The following CALN1 variants were observed in gnomAD, a reference collection of about 807,000 sequenced individuals.
CALN1 encodes calcium-binding protein 8.
In CALN1, 17 loss-of-function variants were observed where a neutral mutation model predicts 30.6. That is an observed-to-expected ratio of 0.56 (90% confidence interval 0.38 to 0.83). The LOEUF (loss-of-function observed/expected upper bound fraction) is 0.83. CALN1 is among the 40% of genes least tolerant of loss of function. The pLI is 0.00. For synonymous variants in CALN1, 156 were observed against 131.4 expected, an observed-to-expected ratio of 1.19 and a Z score of -1.28; for missense variants, 291 against 354.9, an observed-to-expected ratio of 0.82 and a Z score of 1.45.
chr7:72,172,346 T>G (rs1789030947), intron 3 of CALN1, among the ~76,000 whole-genome samples: 1 of 152,202 alleles, frequency 6.6e-6, no homozygotes, highest in African/African-American at 2.4e-5. Flanking sequence ...ATTCAGACCA[T>G]TTGTACCTCC....
intron 4 of CALN1, among the ~76,000 whole-genome samples, chr7:72,089,413 C>A (rs1022715091): frequency 1.3e-5 from 2 of 152,042 alleles, no homozygotes; most frequent in African/African-American, 4.8e-5. Flanking sequence ...CCCCACAAAA[C>A]AAAATGACGG....
In CALN1 at chr7:71,787,130, C is replaced by T. The variant is rs1316470467; in HGVS notation, c.*645G>A. The stretch of plus-strand genomic sequence containing the variant: ...GTGCCGACGGAAACTGAGAGCACCC[C>T]AGCTCTACCAATGGCAGTCCTCTAG... On this transcript the variant is annotated 3_prime_UTR_variant, in exon 7 of 7. Transcript: ENST00000395275. 1 of 152,722 alleles carries T rather than the reference C, an allele frequency of 6.5e-6. No individual in the cohort carries two copies. Among genetic ancestry groups the T allele is most frequent in the Admixed American group, 6.5e-5 (1 of 15,282 alleles). The allele number at this position is 152,722 out of a possible 1,614,324, so 9.5% of individuals were successfully genotyped here. A position where few individuals can be genotyped will look rare whatever the true frequency, so the allele number is the denominator to read the frequency against.
chr7:72,100,926 T>C (rs529918305), intron 4 of CALN1, among the ~76,000 whole-genome samples: 2 of 152,046 alleles, frequency 1.3e-5, no homozygotes, highest in South Asian at 4.2e-4. Flanking sequence ...TAATTGCTAA[T>C]TCCATTCACA....
intron 5 of CALN1, among the ~76,000 whole-genome samples, chr7:71,890,743 T>G (rs1014651079): frequency 8.4e-6 from 1 of 118,380 alleles, no homozygotes. Context: ...TTTTGTTTTC[T>G]AGCTTTTTTT....
At chr7:72,249,589 T>C (rs1585264077) in intron 3 of CALN1, among the ~76,000 whole-genome samples, 1 of 151,606 alleles carries the variant, frequency 6.6e-6, no homozygotes, top group East Asian at 1.9e-4. Flanking sequence ...ATCACTTGAG[T>C]TCAGGAGTTT....
At chr7:71,978,040 A>G (rs1415126599) in intron 5 of CALN1, among the ~76,000 whole-genome samples, 1 of 151,732 alleles carries the variant, frequency 6.6e-6, no homozygotes, top group Non-Finnish European at 1.5e-5. Context: ...GCAGCTGCCA[A>G]AGATATGTGT....
the CALN1 span, among the ~76,000 whole-genome samples, chr7:72,471,343 AG>A: frequency 6.6e-6 from 1 of 152,202 alleles, no homozygotes; most frequent in Non-Finnish European, 1.5e-5. Context: ...GGGAGAAGGC[AG>A]GTGAAGGGCC....
intron 5 of CALN1, among the ~76,000 whole-genome samples, chr7:71,910,941 A>G (rs1794395507): frequency 6.6e-6 from 1 of 152,188 alleles, no homozygotes; most frequent in Admixed American, 6.5e-5. Context: ...AACGCCCAAC[A>G]GAAGCAATTT....
At chr7:71,997,300 C>A (rs1185417906) in intron 5 of CALN1, among the ~76,000 whole-genome samples, 1 of 151,154 alleles carries the variant, frequency 6.6e-6, no homozygotes, top group Non-Finnish European at 1.5e-5. Context: ...TGAAAAAAAT[C>A]AAAATGTACT....
upstream of CALN1, among the ~76,000 whole-genome samples, chr7:72,451,804 G>T (rs530812247): frequency 6.6e-6 from 1 of 151,266 alleles, no homozygotes; most frequent in South Asian, 2.1e-4. Context: ...AACCTATCAA[G>T]AAGAAACAAT....
upstream of CALN1, among the ~76,000 whole-genome samples, chr7:72,451,785 C>T (rs1297465405): frequency 2.0e-5 from 3 of 151,902 alleles, no homozygotes; most frequent in South Asian, 4.1e-4. Flanking sequence ...TCATTTATTA[C>T]ACCAAATTAA....
chr7:71,796,763 C>G (rs931495178), intron 6 of CALN1, among the ~76,000 whole-genome samples: 4 of 152,140 alleles, frequency 2.6e-5, no homozygotes, highest in Non-Finnish European at 5.9e-5. Flanking sequence ...TCTTTTTCAG[C>G]ACAGTCCTTG....
At chr7:72,201,513 C>T (rs760582949) in intron 3 of CALN1, among the ~76,000 whole-genome samples, 2 of 151,796 alleles carry the variant, frequency 1.3e-5, no homozygotes, top group African/African-American at 4.8e-5. Flanking sequence ...ATCGCTTGAA[C>T]CTGGTAGGCA....
At chr7:72,162,260 T>G (rs544882118) in intron 3 of CALN1, among the ~76,000 whole-genome samples, 11 of 152,224 alleles carry the variant, frequency 7.2e-5, no homozygotes, top group Middle Eastern at 6.8e-3. Context: ...ATATAACAAT[T>G]GTTGGCAGAA....
At chr7:72,320,774 G>GC (rs1800817897) in intron 2 of CALN1, among the ~76,000 whole-genome samples, 3 of 145,550 alleles carry the variant, frequency 2.1e-5, no homozygotes. Context: ...GGCGGAGGTT[G>GC]CAGTGAGCCG....
intron 2 of CALN1, among the ~76,000 whole-genome samples, chr7:72,314,170 G>A (rs945098090): frequency 3.3e-5 from 5 of 152,104 alleles, no homozygotes; most frequent in Admixed American, 6.6e-5. Context: ...CAGAATCAAG[G>A]GGCCCTCTGC....
At chr7:71,886,973 G>C (rs1243173842) in intron 5 of CALN1, among the ~76,000 whole-genome samples, 1 of 152,064 alleles carries the variant, frequency 6.6e-6, no homozygotes, top group Non-Finnish European at 1.5e-5. Context: ...TTAGGGGAGA[G>C]AGTGCCTACC....
intron 2 of CALN1, among the ~76,000 whole-genome samples, chr7:72,283,198 A>G (rs1162742228): frequency 2.0e-5 from 3 of 152,044 alleles, no homozygotes; most frequent in Non-Finnish European, 4.4e-5. Context: ...GTTTTAATAT[A>G]TACTGAAGAG....
intron 2 of CALN1, among the ~76,000 whole-genome samples, chr7:72,391,398 T>A (rs188685678): frequency 1.3e-4 from 20 of 152,246 alleles, no homozygotes; most frequent in African/African-American, 4.8e-4. Context: ...ATCCTACTTT[T>A]CCATTTCACC....
Sources: gnomAD v4.1 joint callset for allele counts (sites outside exome capture counted in the v4.1 genomes callset) on GRCh38, gnomAD v4.1.1 for gene constraint, MANE v1.5 for transcripts, NCBI Gene and HGNC (gene_info 2026-07-23, HGNC 2026-07-21) for gene names.